Variants in ATP2B2 observed in about 807,000 individuals in gnomAD.
ATP2B2 encodes plasma membrane calcium-transporting ATPase 2.
In ATP2B2, 15 loss-of-function variants were observed where a neutral mutation model predicts 120.0. That is an observed-to-expected ratio of 0.12 (90% confidence interval 0.08 to 0.19). The LOEUF is 0.19. ATP2B2 is among the 10% of genes least tolerant of loss of function. The probability of loss-of-function intolerance (pLI) is 1.00; values close to 1 mark genes in which losing one functional copy is unlikely to be tolerated. For missense variants in ATP2B2, 1,045 were observed against 1,719.8 expected, an observed-to-expected ratio of 0.61 and a Z score of 6.94; for synonymous variants, 694 against 700.3, an observed-to-expected ratio of 0.99 and a Z score of 0.14.
At chr3:10,510,222 A>G (rs2066733379), upstream of ATP2B2, among the ~76,000 whole-genome samples, 1 of 152,176 alleles carries the variant, frequency 6.6e-6, no homozygotes, top group Non-Finnish European at 1.5e-5. Context: ...CTTCTGGCGA[A>G]TTCTGGCCAG....
chr3:10,606,501 G>A (rs973490802), intron 2 of ATP2B2, among the ~76,000 whole-genome samples: 7 of 152,200 alleles, frequency 4.6e-5, no homozygotes, highest in African/African-American at 7.2e-5. Context: ...CTTTGGTGAA[G>A]TAGGGAGTGC....
At chr3:10,540,279 A>C (rs1219082965) in intron 2 of ATP2B2, among the ~76,000 whole-genome samples, 3 of 152,224 alleles carry the variant, frequency 2.0e-5, no homozygotes, top group Non-Finnish European at 2.9e-5. Context: ...TGGGACTGTA[A>C]ACTAGTTCAA....
intron 19 of ATP2B2, among the ~76,000 whole-genome samples, chr3:10,341,564 G>C (rs1052170779): frequency 2.6e-5 from 4 of 152,190 alleles, no homozygotes; most frequent in African/African-American, 7.2e-5. Flanking sequence ...ACCCGCCTCG[G>C]CCTCCCAAAG....
At chr3:10,560,696 C>T (rs925503591) in intron 2 of ATP2B2, among the ~76,000 whole-genome samples, 3 of 152,200 alleles carry the variant, frequency 2.0e-5, no homozygotes, top group Non-Finnish European at 4.4e-5. Context: ...AATGCAATAC[C>T]CTCCACCTGG....
chr3:10,390,495 C>CTT (rs2061814818), intron 5 of ATP2B2, among the ~76,000 whole-genome samples: 1 of 118,212 alleles, frequency 8.5e-6, no homozygotes, highest in Non-Finnish European at 1.7e-5. Context: ...TGCGTGCATG[C>CTT]TTTTGTGTGT....
chr3:10,480,358 C>A (rs1186850947), intron 1 of ATP2B2, among the ~76,000 whole-genome samples: 1 of 152,136 alleles, frequency 6.6e-6, no homozygotes, highest in Non-Finnish European at 1.5e-5. Flanking sequence ...CATAAATGAC[C>A]TTGACCTTGA....
chr3:10,358,632 TG>T, intron 14 of ATP2B2, 58 bp downstream of exon 14: 1 of 1,548,252 alleles, frequency 6.5e-7, no homozygotes, highest in Non-Finnish European at 8.9e-7. Flanking sequence ...CAGGTCACCC[TG>T]GTGGCTGGCC....
rs746885777 is a variant in ATP2B2 at position 10,448,477 on chromosome 3, A to G, written c.199+868T>C. Among the ~76,000 whole-genome samples the G allele has an allele frequency of 1.9e-3, 286 of 152,264 alleles. 1 individual carries two copies. The highest frequency in any genetic ancestry group is 3.3e-3 in the Non-Finnish European group (223 of 68,012). On this transcript the variant is annotated intron_variant, in intron 2 of 22. Coordinates refer to ENST00000360273, the MANE Select transcript of ATP2B2 (RefSeq NM_001001331.4). ...TAACTTGTGGCAGGTAACCCAAACC[A>G]TGAGGTCTGGTACCCAAGCTGGGCT...
At chr3:10,526,275 G>A (rs1156902847) in intron 3 of ATP2B2, among the ~76,000 whole-genome samples, 1 of 152,186 alleles carries the variant, frequency 6.6e-6, no homozygotes, top group Non-Finnish European at 1.5e-5. Flanking sequence ...AAGACGGTGT[G>A]TACCGGCCAA....
intron 2 of ATP2B2, among the ~76,000 whole-genome samples, chr3:10,617,868 C>T (rs1235192346): frequency 6.9e-6 from 1 of 145,258 alleles, no homozygotes; most frequent in African/African-American, 2.4e-5. Context: ...GCCCACCTGG[C>T]CCCCACCAGG....
At chr3:10,578,172 G>A (rs1267262862) in intron 2 of ATP2B2, among the ~76,000 whole-genome samples, 3 of 152,138 alleles carry the variant, frequency 2.0e-5, no homozygotes, top group Non-Finnish European at 4.4e-5. Flanking sequence ...ATCAAGTGTT[G>A]CTGGAAACAT....
chr3:10,496,210 G>A (rs568474774), intron 1 of ATP2B2, among the ~76,000 whole-genome samples: 1 of 152,286 alleles, frequency 6.6e-6, no homozygotes, highest in South Asian at 2.1e-4. Flanking sequence ...GAAGAGACTG[G>A]CACCCAGCAA....
chr3:10,472,194 A>G (rs1422252457), intron 1 of ATP2B2, among the ~76,000 whole-genome samples: 1 of 152,024 alleles, frequency 6.6e-6, no homozygotes, highest in Non-Finnish European at 1.5e-5. Flanking sequence ...CAGAGACCGA[A>G]GCAGGAAGAT....
intron 2 of ATP2B2, chr3:10,534,254 G>C (rs2067265604): frequency 6.6e-6 from 1 of 152,482 alleles, no homozygotes; most frequent in Non-Finnish European, 1.5e-5. Flanking sequence ...CTCTAGGCTA[G>C]GGATGGGTTT....
intron 5 of ATP2B2, among the ~76,000 whole-genome samples, chr3:10,396,986 G>T (rs1349272460): frequency 6.6e-6 from 1 of 152,218 alleles, no homozygotes; most frequent in Admixed American, 6.5e-5. Context: ...TCCCTGTGCA[G>T]CACTGTGCTA....
chr3:10,483,276 G>A (rs2065487992), intron 1 of ATP2B2, among the ~76,000 whole-genome samples: 1 of 152,242 alleles, frequency 6.6e-6, no homozygotes, highest in Non-Finnish European at 1.5e-5. Context: ...CAGCAGAGGA[G>A]TTAATGACTG....
At chr3:10,587,753 T>A (rs2068547072) in intron 2 of ATP2B2, among the ~76,000 whole-genome samples, 1 of 151,378 alleles carries the variant, frequency 6.6e-6, no homozygotes. Context: ...GTTTTTTTGT[T>A]TGTTTGTTTG....
chr3:10,559,271 G>A (rs1265993665), intron 2 of ATP2B2, among the ~76,000 whole-genome samples: 2 of 152,170 alleles, frequency 1.3e-5, no homozygotes. Flanking sequence ...CGGGGAGGAT[G>A]GGGAGAGGTT....
chr3:10,683,857 A>G (rs2071452809), intron 1 of ATP2B2, among the ~76,000 whole-genome samples: 1 of 143,016 alleles, frequency 7.0e-6, no homozygotes, highest in African/African-American at 2.6e-5. Flanking sequence ...CAGTGGCATG[A>G]TCATAGCTCA....
Sources: allele counts gnomAD v4.1 joint callset (sites outside exome capture counted in the v4.1 genomes callset), GRCh38; gene constraint gnomAD v4.1.1; transcripts MANE v1.5; gene names NCBI Gene and HGNC (gene_info 2026-07-23, HGNC 2026-07-21).